Variants in TEAD1 observed in about 807,000 individuals in gnomAD.
The protein encoded by TEAD1 is transcriptional enhancer factor TEF-1.
Under a neutral mutation model 54.9 loss-of-function variants are expected in TEAD1, and 9 were observed. The observed-to-expected ratio is 0.16, with a 90% CI of 0.10 to 0.29. The LOEUF (loss-of-function observed/expected upper bound fraction) is 0.29. Among genes scored for constraint, TEAD1 ranks in the 10% least tolerant of loss-of-function variants. The probability of loss-of-function intolerance (pLI) is 1.00; values close to 1 mark genes in which losing one functional copy is unlikely to be tolerated. For missense variants in TEAD1, 387 were observed against 535.9 expected, an observed-to-expected ratio of 0.72 and a Z score of 2.74; for synonymous variants, 200 against 187.8, an observed-to-expected ratio of 1.07 and a Z score of -0.53.
chr11:12,819,234 G>A (rs1036600658), intron 3 of TEAD1, among the ~76,000 whole-genome samples: 3 of 151,342 alleles, frequency 2.0e-5, no homozygotes, highest in African/African-American at 7.3e-5. Context: ...GTGACTGAGT[G>A]ACTCCAAGGT....
chr11:12,877,012 CT>C (rs1947865486), intron 5 of TEAD1, among the ~76,000 whole-genome samples: 1 of 152,144 alleles, frequency 6.6e-6, no homozygotes, highest in Non-Finnish European at 1.5e-5. Flanking sequence ...AAGATTTGCC[CT>C]CTTTCTGGCA....
chr11:12,742,657 A>G (rs1944670254), intron 2 of TEAD1, among the ~76,000 whole-genome samples: 1 of 152,226 alleles, frequency 6.6e-6, no homozygotes, highest in East Asian at 1.9e-4. Context: ...TCCACAATAT[A>G]TACATGTATG....
chr11:12,738,877 G>T (rs547728170), intron 2 of TEAD1, among the ~76,000 whole-genome samples: 3 of 152,128 alleles, frequency 2.0e-5, no homozygotes, highest in Non-Finnish European at 4.4e-5. Context: ...GTAAGACAAG[G>T]TTGCTGCCTT....
At chr11:12,763,854 C>T (rs897227427) in intron 2 of TEAD1, among the ~76,000 whole-genome samples, 2 of 152,138 alleles carry the variant, frequency 1.3e-5, no homozygotes, top group Non-Finnish European at 2.9e-5. Flanking sequence ...TATAAATTTC[C>T]TCTCGTCTGT....
At chr11:12,868,498 T>G (rs1947671475) in intron 5 of TEAD1, among the ~76,000 whole-genome samples, 1 of 152,200 alleles carries the variant, frequency 6.6e-6, no homozygotes, top group Non-Finnish European at 1.5e-5. Context: ...TGATGTCACA[T>G]TGATAGATGA....
chr11:12,736,564 ATATT>A (rs978622658), intron 2 of TEAD1, among the ~76,000 whole-genome samples: 1 of 152,196 alleles, frequency 6.6e-6, no homozygotes, highest in Non-Finnish European at 1.5e-5. Context: ...GCGTCTATGA[ATATT>A]TATTGTATTC....
At chr11:12,934,842 G>T (rs149703381) in intron 12 of TEAD1, among the ~76,000 whole-genome samples, 4 of 152,178 alleles carry the variant, frequency 2.6e-5, no homozygotes, top group African/African-American at 9.6e-5. Flanking sequence ...GTAATTCATG[G>T]TCCTTCAGGA....
At chr11:12,689,923 G>A (rs1028243479) in intron 2 of TEAD1, among the ~76,000 whole-genome samples, 4 of 151,784 alleles carry the variant, frequency 2.6e-5, no homozygotes, top group Non-Finnish European at 4.4e-5. Context: ...TATTGATACC[G>A]TGATCACACC....
chr11:12,814,102 A>G (rs1050675453), intron 3 of TEAD1, among the ~76,000 whole-genome samples: 5 of 152,130 alleles, frequency 3.3e-5, no homozygotes, highest in Non-Finnish European at 7.4e-5. Flanking sequence ...GCTGCCTGCT[A>G]CGCTCACTGG....
intron 2 of TEAD1, among the ~76,000 whole-genome samples, chr11:12,760,469 C>T (rs759482809): frequency 2.6e-5 from 4 of 152,112 alleles, no homozygotes; most frequent in South Asian, 2.1e-4. Context: ...CATATATTCC[C>T]CTCCCTTCCT....
intron 3 of TEAD1, among the ~76,000 whole-genome samples, chr11:12,861,736 C>T (rs1373678169): frequency 1.3e-5 from 2 of 152,190 alleles, no homozygotes; most frequent in East Asian, 3.9e-4. Flanking sequence ...CCTGTAATCC[C>T]AGCACTTAAG....
At chr11:12,811,222 G>A (rs539054938) in intron 3 of TEAD1, among the ~76,000 whole-genome samples, 11 of 152,362 alleles carry the variant, frequency 7.2e-5, no homozygotes, top group African/African-American at 2.4e-4. Context: ...GAAGCTTTCA[G>A]AAGAGAATCA....
At chr11:12,783,098 T>TTGTGTGTGTGTGTGTGTG (rs34564715) in intron 3 of TEAD1, among the ~76,000 whole-genome samples, 4 of 139,272 alleles carry the variant, frequency 2.9e-5, no homozygotes, top group African/African-American at 1.1e-4. Flanking sequence ...AGGTAAGGGT[T>TTGTGTGTGTGTGTGTGTG]TGTGTGTGTG....
At chr11:12,896,499 A>G (rs1948318484) in intron 9 of TEAD1, among the ~76,000 whole-genome samples, 1 of 152,188 alleles carries the variant, frequency 6.6e-6, no homozygotes, top group East Asian at 1.9e-4. Context: ...TTCATGTGTA[A>G]TGGATAATTT....
chr11:12,838,747 T>C (rs1350100635), intron 3 of TEAD1, among the ~76,000 whole-genome samples: 3 of 152,242 alleles, frequency 2.0e-5, no homozygotes, highest in Non-Finnish European at 2.9e-5. Flanking sequence ...AAATTGTCTC[T>C]AAAGTGTTTT....
intron 2 of TEAD1, among the ~76,000 whole-genome samples, chr11:12,735,871 C>T (rs1420700800): frequency 1.3e-5 from 2 of 152,184 alleles, no homozygotes; most frequent in African/African-American, 4.8e-5. Context: ...AAGTTGGCTG[C>T]ATGCTTGTTT....
rs546453110 is a variant in TEAD1, at chr11:12,884,707, C to T, written c.699+1582C>T. 2.6e-5 allele frequency among the ~76,000 whole-genome samples: 4 copies of T among 152,174 alleles called. No individual in the cohort carries two copies. The South Asian group carries it at 8.3e-4, about 32-fold the overall frequency. ...TGAGGGAAGGAATGTAAATTGGGCCCATCAGGACAGGTACAAGAAAATGGG... is the reference window on the plus strand; with the variant it reads ...TGAGGGAAGGAATGTAAATTGGGCCTATCAGGACAGGTACAAGAAAATGGG... On this transcript the variant is annotated intron_variant, in intron 9 of 12. Coordinates refer to ENST00000527636, the MANE Select transcript of TEAD1 (RefSeq NM_021961.6).
intron 3 of TEAD1, among the ~76,000 whole-genome samples, chr11:12,788,198 G>A (rs1207211761): frequency 2.0e-5 from 3 of 149,186 alleles, no homozygotes; most frequent in Non-Finnish European, 4.5e-5. Flanking sequence ...GTGCAGTGGC[G>A]CGACCTTGGC....
At chr11:12,734,617 T>A (rs183687723) in intron 2 of TEAD1, among the ~76,000 whole-genome samples, 286 of 152,332 alleles carry the variant, frequency 1.9e-3, no homozygotes, top group African/African-American at 6.4e-3. Context: ...TACCATATTT[T>A]TACTGTACCT....
Sources: allele counts gnomAD v4.1 joint callset (sites outside exome capture counted in the v4.1 genomes callset), GRCh38; gene constraint gnomAD v4.1.1; transcripts MANE v1.5; gene names NCBI Gene and HGNC (gene_info 2026-07-23, HGNC 2026-07-21).